Variants in ELL observed in about 807,000 individuals in gnomAD.
ELL encodes elongation factor for RNA polymerase II, also known as RNA polymerase II elongation factor ELL.
In ELL, 18 loss-of-function variants were observed where a neutral mutation model predicts 64.0. The ratio of observed to expected loss-of-function variants is 0.28; its 90% CI spans 0.19 to 0.42. The LOEUF (loss-of-function observed/expected upper bound fraction) is 0.42, where lower values mean the gene tolerates loss of function less well. ELL is among the 10% of genes least tolerant of loss of function. ELL has a pLI of 1.00. For synonymous variants in ELL, 399 were observed against 376.2 expected, an observed-to-expected ratio of 1.06 and a Z score of -0.70; for missense variants, 797 against 870.4, an observed-to-expected ratio of 0.92 and a Z score of 1.06.
chr19:18,510,458 T>C (rs1484843283), intron 1 of ELL, among the ~76,000 whole-genome samples: 1 of 152,142 alleles, frequency 6.6e-6, no homozygotes, highest in Non-Finnish European at 1.5e-5. Context: ...GCCACTGTCA[T>C]CTCCACTCAG....
intron 1 of ELL, among the ~76,000 whole-genome samples, chr19:18,477,286 C>T (rs1975197174): frequency 6.6e-6 from 1 of 152,154 alleles, no homozygotes. Flanking sequence ...AAGACAAAGC[C>T]ACAGGAGCCA....
chr19:18,481,860 G>T (rs970479160), intron 1 of ELL, among the ~76,000 whole-genome samples: 2 of 152,172 alleles, frequency 1.3e-5, no homozygotes, highest in East Asian at 3.8e-4. Context: ...CATTTCACTT[G>T]GTGAACACCC....
chr19:18,518,097 G>A (rs1295418111), intron 1 of ELL, among the ~76,000 whole-genome samples: 1 of 151,994 alleles, frequency 6.6e-6, no homozygotes, highest in African/African-American at 2.4e-5. Flanking sequence ...GTGCATGCCT[G>A]TAATCCCAGC....
chr19:18,461,491 CCA>C, intron 5 of ELL, 85 bp downstream of exon 5: 1 of 1,524,096 alleles, frequency 6.6e-7, no homozygotes. Flanking sequence ...AGTCCCAATC[CCA>C]GTCTCCATGC....
intron 1 of ELL, among the ~76,000 whole-genome samples, chr19:18,505,202 C>G (rs146732770): frequency 1.7e-3 from 262 of 152,334 alleles, no homozygotes; most frequent in African/African-American, 6.0e-3. Context: ...TCCTCTCCTC[C>G]CCTCCCCTCT....
At chr19:18,452,529 C>T (rs992282238) in intron 6 of ELL, among the ~76,000 whole-genome samples, 2 of 152,206 alleles carry the variant, frequency 1.3e-5, no homozygotes, top group African/African-American at 4.8e-5. Context: ...GTGAAGACAC[C>T]GGAAAGCATA....
At chr19:18,464,291 A>C (rs569315083) in intron 4 of ELL, among the ~76,000 whole-genome samples, 35 of 152,114 alleles carry the variant, frequency 2.3e-4, no homozygotes, top group African/African-American at 8.4e-4. Context: ...ACTTGAGCCT[A>C]GGAGTTTGAG....
At chr19:18,455,617 AGG>A (rs1293251054) in intron 6 of ELL, among the ~76,000 whole-genome samples, 3 of 151,870 alleles carry the variant, frequency 2.0e-5, no homozygotes, top group Non-Finnish European at 2.9e-5. Context: ...TGGCTGAGGC[AGG>A]CAGATCACTT....
Position 18,444,635 on chromosome 19 carries a change from A to G in ELL, c.*117T>C. The G allele has an allele frequency of 8.5e-7, 1 of 1,178,246 alleles. No individual in the cohort carries two copies. Among genetic ancestry groups the G allele is most frequent in the Admixed American group, 2.4e-5 (1 of 41,810 alleles). The allele number at this position is 1,178,246 out of a possible 1,614,324, so 73.0% of individuals were successfully genotyped here. A position where few individuals can be genotyped will look rare whatever the true frequency, so the allele number is the denominator to read the frequency against. On this transcript the variant is annotated 3_prime_UTR_variant, in exon 12 of 12. Coordinates refer to ENST00000262809, the MANE Select transcript of ELL (RefSeq NM_006532.4). Reference sequence around the variant, plus strand: ...AGACGTCTGCAGGGGCTGCCCTGAAAGCCGGCGGTGCTGGCTCAGATGAGC... The same window carrying G: ...AGACGTCTGCAGGGGCTGCCCTGAAGGCCGGCGGTGCTGGCTCAGATGAGC...
chr19:18,451,287 G>C (rs1181439599), intron 7 of ELL, among the ~76,000 whole-genome samples: 1 of 152,234 alleles, frequency 6.6e-6, no homozygotes, highest in Non-Finnish European at 1.5e-5. Context: ...GGAGCAGGAA[G>C]CCCAGGGTTG....
At chr19:18,473,229 G>C (rs1975102169) in intron 1 of ELL, 10 of 573,638 alleles carry the variant, frequency 1.7e-5, no homozygotes, top group Non-Finnish European at 3.3e-5. Context: ...CACCGGGAGA[G>C]AAGGGCAAGG....
At chr19:18,489,946 C>G (rs2144952704) in intron 1 of ELL, among the ~76,000 whole-genome samples, 1 of 152,286 alleles carries the variant, frequency 6.6e-6, no homozygotes, top group African/African-American at 2.4e-5. Context: ...CAGACGCGCA[C>G]TGAGCAGAGA....
intron 1 of ELL, among the ~76,000 whole-genome samples, chr19:18,478,766 C>T (rs1034036610): frequency 6.6e-6 from 1 of 152,244 alleles, no homozygotes; most frequent in African/African-American, 2.4e-5. Context: ...GAACAGACCT[C>T]AACACAGCAG....
chr19:18,445,547 G>A (rs1974394654), intron 10 of ELL: 1 of 310,564 alleles, frequency 3.2e-6, no homozygotes, highest in Admixed American at 4.0e-5. Context: ...TGGGGGGGTG[G>A]GGAGGGGGTG....
At chr19:18,471,002 A>T (rs1012292141) in intron 2 of ELL, 13 of 456,458 alleles carry the variant, frequency 2.8e-5, no homozygotes, top group Non-Finnish European at 4.8e-5. Context: ...CATCATGTCC[A>T]TATCCCCACA....
intron 6 of ELL, among the ~76,000 whole-genome samples, chr19:18,454,237 C>T (rs1012555248): frequency 9.9e-5 from 15 of 152,210 alleles, no homozygotes; most frequent in Admixed American, 3.9e-4. Context: ...CGATGGCTCA[C>T]GCCTGTAATC....
chr19:18,514,513 CAAAA>C (rs557236460), intron 1 of ELL, among the ~76,000 whole-genome samples: 3 of 39,326 alleles, frequency 7.6e-5, no homozygotes, highest in South Asian at 8.1e-4. Flanking sequence ...GACTCCATCT[CAAAA>C]AAAAAAAAAA....
At chr19:18,521,656 G>A (rs1477615380) in intron 1 of ELL, among the ~76,000 whole-genome samples, 2 of 151,720 alleles carry the variant, frequency 1.3e-5, no homozygotes, top group South Asian at 2.1e-4. Context: ...TGCCGACACC[G>A]ACGCCCCCCG....
At chr19:18,446,882 A>T in intron 8 of ELL, 68 bp from the exon 9 acceptor site, 2 of 1,518,824 alleles carry the variant, frequency 1.3e-6, no homozygotes, top group African/African-American at 1.4e-5. Flanking sequence ...GCACGCCAGG[A>T]TGGGGACATG....
Sources: gnomAD v4.1 joint callset for allele counts (sites outside exome capture counted in the v4.1 genomes callset) on GRCh38, gnomAD v4.1.1 for gene constraint, MANE v1.5 for transcripts, NCBI Gene and HGNC (gene_info 2026-07-23, HGNC 2026-07-21) for gene names.